Variants in PCDH15 observed in about 807,000 individuals in gnomAD.
PCDH15 encodes protocadherin-15.
In PCDH15, 129 loss-of-function variants were observed where a neutral mutation model predicts 178.5. The ratio of observed to expected loss-of-function variants is 0.72; its 90% CI spans 0.63 to 0.84. The LOEUF (loss-of-function observed/expected upper bound fraction) is 0.84. Among genes scored for constraint, PCDH15 ranks in the 40% least tolerant of loss-of-function variants. The pLI is 0.00. For synonymous variants in PCDH15, 800 were observed against 732.0 expected, an observed-to-expected ratio of 1.09 and a Z score of -1.50; for missense variants, 2,230 against 2,099.9, an observed-to-expected ratio of 1.06 and a Z score of -1.21.
chr10:53,838,430 A>G (rs2077440579), intron 29 of PCDH15, among the ~76,000 whole-genome samples: 1 of 137,442 alleles, frequency 7.3e-6, no homozygotes, highest in South Asian at 2.5e-4. Context: ...CTTGTATTTC[A>G]TGGTGTCACT....
chr10:55,029,964 T>C (rs1484113470), intron 2 of PCDH15, among the ~76,000 whole-genome samples: 3 of 152,144 alleles, frequency 2.0e-5, no homozygotes, highest in African/African-American at 4.8e-5. Flanking sequence ...CCACCAAGAT[T>C]TCAAAGAGGT....
intron 2 of PCDH15, among the ~76,000 whole-genome samples, chr10:55,100,143 T>C (rs1842543615): frequency 6.6e-6 from 1 of 152,100 alleles, no homozygotes; most frequent in Non-Finnish European, 1.5e-5. Context: ...TGCTACTATC[T>C]TAGCAAGAAT....
intron 2 of PCDH15, among the ~76,000 whole-genome samples, chr10:55,072,034 GT>G (rs1841760472): frequency 6.6e-6 from 1 of 152,082 alleles, no homozygotes; most frequent in Non-Finnish European, 1.5e-5. Context: ...AAATAAAGAT[GT>G]TCTTTGAAAC....
chr10:55,431,808 T>TA (rs879643316), intron 2 of PCDH15, among the ~76,000 whole-genome samples: 4 of 151,996 alleles, frequency 2.6e-5, no homozygotes, highest in South Asian at 4.1e-4. Flanking sequence ...TCATCCCCAT[T>TA]AAAAATAGCC....
At chr10:54,467,958 G>C (rs941205446) in intron 3 of PCDH15, among the ~76,000 whole-genome samples, 3 of 151,820 alleles carry the variant, frequency 2.0e-5, no homozygotes, top group Non-Finnish European at 2.9e-5. Flanking sequence ...TTAGTGTAGG[G>C]TTATTCGTAA....
intron 15 of PCDH15, among the ~76,000 whole-genome samples, chr10:54,130,511 G>C (rs769738013): frequency 6.6e-6 from 1 of 152,154 alleles, no homozygotes; most frequent in African/African-American, 2.4e-5. Flanking sequence ...TTTTCCTCAA[G>C]TGAATGCCAT....
At chr10:55,451,648 CAT>C (rs1297646178) in intron 2 of PCDH15, among the ~76,000 whole-genome samples, 2 of 152,098 alleles carry the variant, frequency 1.3e-5, no homozygotes, top group Non-Finnish European at 2.9e-5. Context: ...GCTCATGAAA[CAT>C]GTGTGATACT....
intron 2 of PCDH15, among the ~76,000 whole-genome samples, chr10:54,575,648 C>T (rs78703310): frequency 1.4e-5 from 2 of 142,390 alleles, no homozygotes; most frequent in Admixed American, 1.5e-4. Context: ...CTCTACAGTG[C>T]AGGTAGATAT....
At chr10:54,354,042 A>G (rs1944574989) in intron 5 of PCDH15, among the ~76,000 whole-genome samples, 1 of 152,040 alleles carries the variant, frequency 6.6e-6, no homozygotes, top group Non-Finnish European at 1.5e-5. Flanking sequence ...CTGGAGTGCA[A>G]TGGCACAATC....
At chr10:55,077,037 G>C (rs982971646) in intron 2 of PCDH15, among the ~76,000 whole-genome samples, 2 of 151,574 alleles carry the variant, frequency 1.3e-5, no homozygotes, top group African/African-American at 2.4e-5. Flanking sequence ...AAAGTGCTGG[G>C]ATTACAGGCA....
intron 2 of PCDH15, among the ~76,000 whole-genome samples, chr10:54,933,065 C>G (rs558952751): frequency 2.2e-4 from 33 of 152,224 alleles, no homozygotes; most frequent in African/African-American, 7.9e-4. Flanking sequence ...CAATTGTCTA[C>G]AGTATTCAGT....
intron 2 of PCDH15, among the ~76,000 whole-genome samples, chr10:55,506,867 C>A (rs1840770375): frequency 6.6e-6 from 1 of 151,338 alleles, no homozygotes; most frequent in Non-Finnish European, 1.5e-5. Context: ...TGCATAGTAA[C>A]AAGCAAAATT....
At chr10:54,291,760 G>C (rs541274390) in intron 8 of PCDH15, among the ~76,000 whole-genome samples, 14 of 152,080 alleles carry the variant, frequency 9.2e-5, no homozygotes, top group African/African-American at 3.4e-4. Context: ...GCCCTCCCAA[G>C]ACTAAACCAG....
chr10:53,845,120 G>T (rs1202164549), intron 28 of PCDH15, among the ~76,000 whole-genome samples: 1 of 151,928 alleles, frequency 6.6e-6, no homozygotes, highest in South Asian at 2.1e-4. Context: ...ATGAAAAAAT[G>T]CTCGACATCA....
chr10:55,008,706 A>G (rs1050909489), intron 2 of PCDH15, among the ~76,000 whole-genome samples: 2 of 152,120 alleles, frequency 1.3e-5, no homozygotes, highest in African/African-American at 2.4e-5. Context: ...GCAGGCCTCC[A>G]ATTAACCCTC....
intron 3 of PCDH15, among the ~76,000 whole-genome samples, chr10:54,828,841 G>A (rs76858481): frequency 0.025 from 3,751 of 151,972 alleles, 139 homozygotes; most frequent in African/African-American, 0.084. Flanking sequence ...GAAACAGATA[G>A]CCAGAAGTGT....
chr10:55,604,541 C>T (rs1186462503), intron 2 of PCDH15, among the ~76,000 whole-genome samples: 1 of 141,204 alleles, frequency 7.1e-6, no homozygotes, highest in East Asian at 2.2e-4. Flanking sequence ...TTATAACAAA[C>T]TATCTCTCAG....
At chr10:54,236,562 A>G (rs922536933) in intron 9 of PCDH15, among the ~76,000 whole-genome samples, 2 of 152,138 alleles carry the variant, frequency 1.3e-5, no homozygotes, top group Admixed American at 1.3e-4. Flanking sequence ...AAATACTAAT[A>G]TGTAGGTTAA....
At chr10:54,254,712 T>G (rs1387596892) in intron 8 of PCDH15, among the ~76,000 whole-genome samples, 1 of 152,220 alleles carries the variant, frequency 6.6e-6, no homozygotes, top group Non-Finnish European at 1.5e-5. Flanking sequence ...TAAATTTGTT[T>G]TCACACTTCT....
Sources: allele counts gnomAD v4.1 joint callset (sites outside exome capture counted in the v4.1 genomes callset), GRCh38; gene constraint gnomAD v4.1.1; transcripts MANE v1.5; gene names NCBI Gene and HGNC (gene_info 2026-07-23, HGNC 2026-07-21).